CCDC88C: variants seen among roughly 807,000 people sequenced by gnomAD.
CCDC88C encodes the protein coiled-coil and HOOK domain protein 88C, also known as protein Daple.
In CCDC88C, 131 loss-of-function variants were observed where a neutral mutation model predicts 198.8. That is an observed-to-expected ratio of 0.66 (90% confidence interval 0.57 to 0.76). CCDC88C has a LOEUF of 0.76. Among genes scored for constraint, CCDC88C ranks in the 30% least tolerant of loss-of-function variants. The pLI is 0.00. For synonymous variants in CCDC88C, 1,166 were observed against 1,114.7 expected (o/e 1.05, Z -0.92); for missense variants, 2,553 against 2,631.6 (o/e 0.97, Z 0.65).
rs1274902370 is a variant in CCDC88C, at chr14:91,275,078, G to A, written c.5059-1425C>T. On this transcript the variant is annotated intron_variant, in intron 29 of 29. Coordinates refer to ENST00000389857, the MANE Select transcript of CCDC88C (RefSeq NM_001080414.4). ...CATTTCCCTGGGATGGGAAGCCCCT[G>A]TGTACATTAGGGGCCTTGTGTGTCA... 4.6e-5 allele frequency among the ~76,000 whole-genome samples: 7 copies of A among 152,306 alleles called. No individual in the cohort carries two copies. The East Asian group carries it at 1.2e-3, about 25-fold the overall frequency.
At chr14:91,279,021 C>T (rs1260081682) in intron 28 of CCDC88C, among the ~76,000 whole-genome samples, 3 of 150,730 alleles carry the variant, frequency 2.0e-5, no homozygotes, top group African/African-American at 7.3e-5. Context: ...CCCACCTCAG[C>T]CTCCTGAGTA....
chr14:91,383,346 G>A (rs895927948), intron 3 of CCDC88C, among the ~76,000 whole-genome samples: 1 of 152,216 alleles, frequency 6.6e-6, no homozygotes, highest in African/African-American at 2.4e-5. Context: ...AATCTCAGGG[G>A]GCCATGAACA....
At chr14:91,350,595 C>G (rs562136585) in intron 4 of CCDC88C, among the ~76,000 whole-genome samples, 1 of 152,306 alleles carries the variant, frequency 6.6e-6, no homozygotes, top group East Asian at 1.9e-4. Context: ...ACTGCACACT[C>G]TCTGCCCTTG....
At chr14:91,278,729 C>T (rs937519094) in intron 28 of CCDC88C, among the ~76,000 whole-genome samples, 20 of 152,180 alleles carry the variant, frequency 1.3e-4, no homozygotes, top group African/African-American at 4.3e-4. Context: ...CAGTGCTGCT[C>T]GGGGGAGAAG....
intron 3 of CCDC88C, among the ~76,000 whole-genome samples, chr14:91,374,062 G>A (rs1894961961): frequency 6.6e-6 from 1 of 152,208 alleles, no homozygotes; most frequent in Admixed American, 6.5e-5. Flanking sequence ...TCCCCCCAGG[G>A]CTCTGCACAG....
Position 91,313,644 on chromosome 14 carries a change from T to A in CCDC88C, c.2172A>T (p.Ala724=). The change falls in exon 15 of 30, where the codon GCA becomes GCT. Residue 724 remains alanine (A), a synonymous_variant. Coordinates refer to ENST00000389857, the MANE Select transcript of CCDC88C (RefSeq NM_001080414.4). This position sits in a 1 kb window ranked among gnomAD's most constrained non-coding sequence, Gnocchi z 5.2. ...GCTGCTGGTTCTCCCTCTCCATCTG[T>A]GCCAGCTTGGTGCTGGTGAAGCGCA... ...ETMRFTSTKL[A]QMERENQQLE... The A allele has an allele frequency of 6.2e-7, 1 of 1,612,642 alleles. No individual in the cohort carries two copies. Among genetic ancestry groups the A allele is most frequent in the South Asian group, 1.1e-5 (1 of 91,086 alleles).
intron 4 of CCDC88C, 109 bp from the exon 5 acceptor site, chr14:91,343,766 G>A: frequency 1.5e-6 from 2 of 1,291,924 alleles, no homozygotes; most frequent in South Asian, 2.5e-5. Flanking sequence ...TCTCTACTCT[G>A]TGACATTCAC....
At chr14:91,304,741 T>C (rs1891486148) in intron 19 of CCDC88C, among the ~76,000 whole-genome samples, 2 of 151,992 alleles carry the variant, frequency 1.3e-5, no homozygotes, top group African/African-American at 4.8e-5. Context: ...ATCAGAAAAC[T>C]GAAGAGGAGG....
intron 3 of CCDC88C, among the ~76,000 whole-genome samples, chr14:91,407,053 T>C (rs1052024146): frequency 6.6e-5 from 10 of 152,072 alleles, no homozygotes; most frequent in Non-Finnish European, 1.3e-4. Context: ...GATGGCTCAC[T>C]GAACTGGCCC....
chr14:91,353,196 G>A (rs1232644260), intron 4 of CCDC88C, among the ~76,000 whole-genome samples: 1 of 152,158 alleles, frequency 6.6e-6, no homozygotes, highest in Non-Finnish European at 1.5e-5. Flanking sequence ...CCCCAGGCTT[G>A]CTGATCCTCA....
chr14:91,282,954 C>G (rs1465731747), intron 26 of CCDC88C, among the ~76,000 whole-genome samples: 1 of 152,242 alleles, frequency 6.6e-6, no homozygotes, highest in African/African-American at 2.4e-5. Context: ...TTTATCTTCT[C>G]TCGAGAAAAA....
chr14:91,272,960 C>G lies in CCDC88C; in HGVS notation c.5752G>C (p.Ala1918Pro), dbSNP rs1167671954. The G allele has an allele frequency of 6.4e-7, 1 of 1,557,788 alleles. No homozygotes were observed. Among genetic ancestry groups the G allele is most frequent in the South Asian group, 1.2e-5 (1 of 85,714 alleles). The change falls in exon 30 of 30, where the codon GCT (alanine) becomes CCT (proline). Residue 1918 changes from alanine to proline, a missense_variant. This residue lies in a region of CCDC88C where 1,293 missense variants were observed against 1,219.6 expected (regional missense o/e 1.06). Coordinates refer to ENST00000389857, the MANE Select transcript of CCDC88C (RefSeq NM_001080414.4). ...IATAGAGAAA[A>P]GSGSNSQLLH... The stretch of plus-strand genomic sequence containing the variant: ...AGCTGGGAGTTGCTGCCACTGCCAG[C>G]AGCAGCAGCACCAGCACCTGCAGTG...
chr14:91,313,600 T>A lies in CCDC88C; in HGVS notation c.2216A>T (p.Glu739Val), dbSNP rs758720123. 2.5e-6 allele frequency: 4 copies of A among 1,612,492 alleles called. No homozygotes were observed. Among genetic ancestry groups the A allele is most frequent in the African/African-American group, 2.7e-5 (2 of 74,916 alleles). The change falls in exon 15 of 30, where the codon GAG (glutamate) becomes GTG (valine). Residue 739 changes from glutamate (E) to valine (V), a missense_variant. Around this residue, in one of 2 missense-constraint regions of CCDC88C, gnomAD observed 1,260 missense variants for 1,412.0 expected, o/e 0.89. Coordinates refer to ENST00000389857, the MANE Select transcript of CCDC88C (RefSeq NM_001080414.4). This position sits in a 1 kb window ranked among gnomAD's most constrained non-coding sequence, Gnocchi z 5.2. ...ENQQLEREKEELRKNVDLLKA... is the reference protein window; with the variant it reads ...ENQQLEREKEVLRKNVDLLKA... Reference sequence around the variant, plus strand: ...GAGCAGATCCACGTTCTTCCTCAGCTCCTCCTTCTCACGCTCCAGCTGCTG... The same window carrying A: ...GAGCAGATCCACGTTCTTCCTCAGCACCTCCTTCTCACGCTCCAGCTGCTG...
chr14:91,285,854 G>A (rs1245831039), intron 25 of CCDC88C: 5 of 1,247,992 alleles, frequency 4.0e-6, no homozygotes, highest in Middle Eastern at 2.2e-4. Flanking sequence ...GTTATCAATC[G>A]GATAACCCAA....
Position 91,283,457 on chromosome 14 carries a change from T to C in CCDC88C, c.4502A>G (p.Asp1501Gly). The change falls in exon 26 of 30, where the codon GAT (aspartate) becomes GGT (glycine). Residue 1501 changes from aspartate (D) to glycine (G), a missense_variant. By Grantham distance (94) the Asp-to-Gly change is moderately conservative. Around this residue, in one of 2 missense-constraint regions of CCDC88C, gnomAD observed 1,293 missense variants for 1,219.6 expected, o/e 1.06. Transcript: ENST00000389857. ...SPHRGSLDRTDASTDLAMRSW... is the reference protein window; with the variant it reads ...SPHRGSLDRTGASTDLAMRSW... ...CCTCATGGCCAGATCGGTGGAGGCA[T>C]CTGTGCGGTCAAGGCTGCCTCTGTG... 1 of 1,613,144 alleles carries C rather than the reference T, an allele frequency of 6.2e-7. No homozygotes were observed. The highest frequency in any genetic ancestry group is 8.5e-7 in the Non-Finnish European group (1 of 1,179,656).
Position 91,302,261 on chromosome 14 carries a change from T to C in CCDC88C, c.3635+1440A>G, listed in dbSNP as rs78039898. On this transcript the variant is annotated intron_variant, in intron 20 of 29. Transcript: ENST00000389857. The stretch of plus-strand genomic sequence containing the variant: ...AACCAACGATCACTTAGCCATGTTG[T>C]TGAGGCGGCTCCAAAGGATATACCA... 9.8e-3 allele frequency among the ~76,000 whole-genome samples: 1,498 copies of C among 152,320 alleles called. 9 individuals are homozygous for C. The highest frequency in any genetic ancestry group is 0.017 in the Non-Finnish European group (1,148 of 68,018).
chr14:91,358,149 C>A (rs184081339), intron 4 of CCDC88C, among the ~76,000 whole-genome samples: 2 of 152,304 alleles, frequency 1.3e-5, no homozygotes, highest in Admixed American at 1.3e-4. Context: ...GTTCTCAGGG[C>A]GGTGGCACTA....
intron 3 of CCDC88C, among the ~76,000 whole-genome samples, chr14:91,366,090 T>C (rs900340183): frequency 6.6e-6 from 1 of 151,760 alleles, no homozygotes; most frequent in Non-Finnish European, 1.5e-5. Flanking sequence ...AGAGACCATA[T>C]AGTCAGAGGC....
At chr14:91,330,086 G>A (rs1686856183) in intron 10 of CCDC88C, among the ~76,000 whole-genome samples, 3 of 152,242 alleles carry the variant, frequency 2.0e-5, no homozygotes, top group African/African-American at 7.2e-5. Context: ...GAGCCACAAG[G>A]TGCATGGGGC....
Sources: allele counts gnomAD v4.1 joint callset (sites outside exome capture counted in the v4.1 genomes callset), GRCh38; gene constraint gnomAD v4.1.1; regional missense constraint gnomAD v4.1.1; non-coding constraint Gnocchi (gnomAD v3.1); transcripts MANE v1.5; gene names NCBI Gene and HGNC (gene_info 2026-07-23, HGNC 2026-07-21).